Variants in ZNF66 observed in about 807,000 individuals in gnomAD.
ZNF66 encodes the protein zinc finger protein 66.
A neutral mutation model predicts 35.2 loss-of-function variants in ZNF66; 32 were observed. The observed-to-expected ratio is 0.91, with a 90% CI of 0.69 to 1.22. The LOEUF is 1.22. Among genes scored for constraint, ZNF66 ranks in the 50% most tolerant of loss-of-function variants. The pLI, the probability that ZNF66 is intolerant of heterozygous loss-of-function variation, is 0.00. For synonymous variants in ZNF66, 231 were observed against 181.3 expected (o/e 1.27, Z -2.20); for missense variants, 666 against 543.1 (o/e 1.23, Z -2.25).
At chr19:20,789,407 A>G (rs1388718951) in intron 1 of ZNF66, among the ~76,000 whole-genome samples, 2 of 152,186 alleles carry the variant, frequency 1.3e-5, no homozygotes, top group Non-Finnish European at 2.9e-5. Context: ...GCTGGTGTTC[A>G]CAATTTCTTG....
In ZNF66 at chr19:20,776,365, G is replaced by C; in HGVS notation, c.-83G>C. 1 of 1,508,386 alleles carries C rather than the reference G, an allele frequency of 6.6e-7. No homozygotes were observed. The highest frequency in any genetic ancestry group is 9.2e-7 in the Non-Finnish European group (1 of 1,086,382). The allele number at this position is 1,508,386 out of a possible 1,614,324, so 93.4% of individuals were successfully genotyped here. ...CACTGCTCTCTGTCTTCTTCTCCTA[G>C]AGGCCCAGCCTCTGTGGCCCTGTGT... is the stretch of plus-strand genomic sequence containing the variant. On this transcript the variant is annotated 5_prime_UTR_variant, in exon 1 of 4. Transcript: ENST00000344519.
chr19:20,804,406 G>A (rs902211656), intron 3 of ZNF66, among the ~76,000 whole-genome samples: 1 of 151,872 alleles, frequency 6.6e-6, no homozygotes, highest in African/African-American at 2.4e-5. Flanking sequence ...ACCACACTTG[G>A]CTATTTTTTT....
intron 1 of ZNF66, among the ~76,000 whole-genome samples, chr19:20,777,206 C>A (rs1192666859): frequency 1.3e-5 from 2 of 151,382 alleles, no homozygotes; most frequent in Non-Finnish European, 2.9e-5. Flanking sequence ...GTAGAGCACC[C>A]AGCTATAGTT....
chr19:20,792,717 A>G, intron 2 of ZNF66, 79 bp downstream of exon 2: 1 of 841,460 alleles, frequency 1.2e-6, no homozygotes, highest in Admixed American at 2.8e-5. Context: ...TTAGTAATTT[A>G]TTCTTTTTAT....
intron 1 of ZNF66, among the ~76,000 whole-genome samples, chr19:20,791,030 A>C (rs1971332201): frequency 6.6e-6 from 1 of 152,210 alleles, no homozygotes; most frequent in African/African-American, 2.4e-5. Context: ...TATGATCTGC[A>C]ATATTAAAAA....
rs760480194 is a variant in ZNF66, at chr19:20,806,923, T to C, written c.1323T>C (p.Thr441=). The change falls in exon 4 of 4, where the codon ACT becomes ACC. Residue 441 remains threonine (T), a synonymous_variant. Coordinates refer to ENST00000344519, the MANE Select transcript of ZNF66 (RefSeq NM_001355197.2). ...GKAFSRSSIL[T]THKIIHTGEK... ...CCTTCAGTCGGTCCTCTATTCTTAC[T>C]ACACATAAGATAATTCACACTGGAG... is the stretch of plus-strand genomic sequence containing the variant. 64 of 1,210,114 alleles carry C rather than the reference T, an allele frequency of 5.3e-5. No individual in the cohort carries two copies. The highest frequency in any genetic ancestry group is 7.5e-5 in the Non-Finnish European group (61 of 813,698). The allele number at this position is 1,210,114 out of a possible 1,614,324, so 75.0% of individuals were successfully genotyped here. A position where few individuals can be genotyped will look rare whatever the true frequency, so the allele number is the denominator to read the frequency against.
intron 3 of ZNF66, among the ~76,000 whole-genome samples, chr19:20,801,710 T>C (rs7257229): frequency 0.74 from 112,769 of 151,670 alleles, 42,338 homozygotes; most frequent in Non-Finnish European, 0.79. Flanking sequence ...CACGGCTGCT[T>C]GAACCTCCCA....
At chr19:20,790,287 C>T (rs983192913) in intron 1 of ZNF66, among the ~76,000 whole-genome samples, 1 of 152,228 alleles carries the variant, frequency 6.6e-6, no homozygotes, top group Admixed American at 6.5e-5. Flanking sequence ...TGGGTGGAAG[C>T]ATCCACGTTG....
At position 20,807,279 on chromosome 19, in the gene ZNF66, TG is replaced by T; in HGVS notation, c.1682del (p.Gly561GlufsTer82). On this transcript the variant is annotated frameshift_variant, in exon 4 of 4. Transcript: ENST00000344519. LOFTEE classifies it high-confidence loss of function. Reference protein sequence around the residue: ...SNLSRHEIIHMGGNPYKCENV... With the variant: ...SNLSRHEIIHXGGNPYKCENV... Reference sequence around the variant, plus strand: ...CTTAGTAGACATGAGATAATTCATATGGGAGGGAATCCCTACAAATGTGAAA... The same window carrying T: ...CTTAGTAGACATGAGATAATTCATATGGAGGGAATCCCTACAAATGTGAAA... The T allele has an allele frequency of 1.5e-6, 1 of 673,934 alleles. No individual in the cohort carries two copies. Among genetic ancestry groups the T allele is most frequent in the Admixed American group, 2.5e-5 (1 of 39,644 alleles). 41.7% of individuals were successfully genotyped at this position (673,934 alleles called of 1,614,324 possible). A position where few individuals can be genotyped will look rare whatever the true frequency, so the allele number is the denominator to read the frequency against.
chr19:20,779,486 C>G (rs181903084), intron 1 of ZNF66, among the ~76,000 whole-genome samples: 22 of 152,178 alleles, frequency 1.4e-4, no homozygotes, highest in Admixed American at 1.4e-3. Flanking sequence ...GCTCAAAGTT[C>G]AGGAGCCTGA....
intron 3 of ZNF66, among the ~76,000 whole-genome samples, chr19:20,801,037 A>T (rs932432486): frequency 2.6e-5 from 4 of 152,154 alleles, no homozygotes; most frequent in Non-Finnish European, 4.4e-5. Flanking sequence ...ATAGATAAAT[A>T]TTATAGTTAT....
At position 20,807,813 on chromosome 19, in the gene ZNF66, C is replaced by T. The variant is rs762901795; in HGVS notation, c.*491C>T. On this transcript the variant is annotated 3_prime_UTR_variant, in exon 4 of 4. Coordinates refer to ENST00000344519, the MANE Select transcript of ZNF66 (RefSeq NM_001355197.2). ...AGAAGATGGGTGATTTCTGCATTTC[C>T]GTCTGATGTACCAGGTTCATCTCAC... Among the ~76,000 whole-genome samples, 12 of 152,232 alleles carry T rather than the reference C, an allele frequency of 7.9e-5. No homozygotes were observed. The highest frequency in any genetic ancestry group is 1.9e-4 in the East Asian group (1 of 5,164).
intron 1 of ZNF66, among the ~76,000 whole-genome samples, chr19:20,777,073 C>CCACT (rs1971201625): frequency 6.9e-6 from 1 of 144,152 alleles, no homozygotes; most frequent in Non-Finnish European, 1.5e-5. Context: ...TGAAATCCTG[C>CCACT]CACTGCACTC....
rs539071896 is a variant in ZNF66 at position 20,797,497 on chromosome 19, C to A, written c.226+3619C>A. On this transcript the variant is annotated intron_variant, in intron 3 of 3. Transcript: ENST00000344519. ...CTGGGATTACAGGCGTGAGCCACCG[C>A]GCCCGGCCGATTTTATGAGTAAACA... Among the ~76,000 whole-genome samples, 18 of 124,504 alleles carry A rather than the reference C, an allele frequency of 1.4e-4. No homozygotes were observed. The East Asian group carries it at 2.2e-3, about 15-fold the overall frequency. 81.7% of individuals were successfully genotyped at this position (124,504 alleles called of 152,430 possible). A position where few individuals can be genotyped will look rare whatever the true frequency, so the allele number is the denominator to read the frequency against.
chr19:20,778,502 A>C (rs1971215779), intron 1 of ZNF66, among the ~76,000 whole-genome samples: 1 of 152,206 alleles, frequency 6.6e-6, no homozygotes, highest in African/African-American at 2.4e-5. Context: ...CAAGCATCTT[A>C]GCCAGGTGCA....
intron 3 of ZNF66, among the ~76,000 whole-genome samples, chr19:20,795,365 T>A (rs988101210): frequency 6.7e-6 from 1 of 148,658 alleles, no homozygotes; most frequent in African/African-American, 2.5e-5. Flanking sequence ...TTTCTTTTTT[T>A]CTTTTTCTTT....
rs1971539947 is a variant in ZNF66 at position 20,807,884 on chromosome 19, T to C, written c.*562T>C. ...CTGCAGGACAGTGGGTGCAGTGCACTGTGCATGAGCTGAAGCAGGGCGAGG... is the reference window on the plus strand; with the variant it reads ...CTGCAGGACAGTGGGTGCAGTGCACCGTGCATGAGCTGAAGCAGGGCGAGG... On this transcript the variant is annotated 3_prime_UTR_variant, in exon 4 of 4. Transcript: ENST00000344519. Among the ~76,000 whole-genome samples, 1 of 152,190 alleles carries C rather than the reference T, an allele frequency of 6.6e-6. No individual in the cohort carries two copies. The highest frequency in any genetic ancestry group is 1.5e-5 in the Non-Finnish European group (1 of 68,032).
Position 20,806,568 on chromosome 19 carries a change from A to C in ZNF66, c.968A>C (p.Asn323Thr). Residue 323 changes from asparagine to threonine, a missense_variant, in exon 4 of 4, where the codon AAC becomes ACC. Coordinates refer to ENST00000344519, the MANE Select transcript of ZNF66 (RefSeq NM_001355197.2). ...YKCEECGKAF[N>T]WSSHLTTHKR... ...TGTGAAGAATGTGGTAAAGCCTTCA[A>C]CTGGTCCTCACACCTTACTACACAT... The C allele has an allele frequency of 6.3e-7, 1 of 1,580,668 alleles. No individual in the cohort carries two copies. The highest frequency in any genetic ancestry group is 1.4e-5 in the African/African-American group (1 of 74,000).
At chr19:20,795,372 CTTT>C (rs71174747) in intron 3 of ZNF66, among the ~76,000 whole-genome samples, 1 of 143,192 alleles carries the variant, frequency 7.0e-6, no homozygotes, top group Non-Finnish European at 1.5e-5. Context: ...TTTTCTTTTT[CTTT>C]TTTTTTTTTG....
Sources: allele counts gnomAD v4.1 joint callset (sites outside exome capture counted in the v4.1 genomes callset), GRCh38; gene constraint gnomAD v4.1.1; transcripts MANE v1.5; gene names NCBI Gene and HGNC (gene_info 2026-07-23, HGNC 2026-07-21).